CXCR1: variants seen among roughly 807,000 people sequenced by gnomAD.
CXCR1 encodes the protein C-X-C chemokine receptor type 1.
For synonymous variants in CXCR1, 180 were observed against 184.7 expected (o/e 0.97, Z 0.21); for missense variants, 419 against 440.5 (o/e 0.95, Z 0.44).
At position 218,165,053 on chromosome 2, in the gene CXCR1, G is replaced by A. The variant is rs1189909343; in HGVS notation, c.159C>T (p.Ser53=). Residue 53 remains serine (S), a synonymous_variant, in exon 2 of 2, where the codon AGC becomes AGT. Coordinates refer to ENST00000295683, the MANE Select transcript of CXCR1 (RefSeq NM_000634.3). ...GCATCACCAGGGAGTTTCCCAGCAG[G>A]CTCAGCAGGAACACTAGGGCATAGG... ...IIAYALVFLL[S]LLGNSLVMLV... 6.2e-7 allele frequency: 1 copy of A among 1,614,222 alleles called. No homozygotes were observed. Among genetic ancestry groups the A allele is most frequent in the South Asian group, 1.1e-5 (1 of 91,088 alleles).
Position 218,165,160 on chromosome 2 carries a change from T to G in CXCR1, c.52A>C (p.Thr18Pro), listed in dbSNP as rs1210809701. Residue 18 changes from threonine to proline, a missense_variant, in exon 2 of 2, where the codon ACT becomes CCT. Transcript: ENST00000295683. ...QMWDFDDLNF[T>P]GMPPADEDYS... ...TCTTCATCTGCAGGTGGCATGCCAG[T>G]GAAATTTAGATCATCAAAATCCCAC... is the stretch of plus-strand genomic sequence containing the variant. The G allele has an allele frequency of 2.5e-6, 4 of 1,614,108 alleles. No homozygotes were observed. Among genetic ancestry groups the G allele is most frequent in the Non-Finnish European group, 3.4e-6 (4 of 1,180,042 alleles).
At position 218,164,003 on chromosome 2, in the gene CXCR1, C is replaced by T. The variant is rs1051015584; in HGVS notation, c.*156G>A. 1.9e-5 allele frequency: 16 copies of T among 863,136 alleles called. 1 individual carries two copies. The African/African-American group carries it at 2.7e-4, about 14-fold the overall frequency. 53.5% of individuals were successfully genotyped at this position (863,136 alleles called of 1,614,324 possible). The stretch of plus-strand genomic sequence containing the variant: ...ACAGCTCCTCAGAAGGTTGGTGTGG[C>T]CCCTGAAGACACCAGTTCCTAACTT... On this transcript the variant is annotated 3_prime_UTR_variant, in exon 2 of 2. Coordinates refer to ENST00000295683, the MANE Select transcript of CXCR1 (RefSeq NM_000634.3).
chr2:218,164,501 C>G lies in CXCR1; in HGVS notation c.711G>C (p.Lys237Asn). 1 of 1,614,218 alleles carries G rather than the reference C, an allele frequency of 6.2e-7. No individual in the cohort carries two copies. Among genetic ancestry groups the G allele is most frequent in the South Asian group, 1.1e-5 (1 of 91,082 alleles). ...CAAAGATGACCCTCATGGCTCGGTG[C>G]TTCTGCCCCATGTGGGCCTTAAACA... ...RTLFKAHMGQ[K>N]HRAMRVIFAV... The change falls in exon 2 of 2, where the codon AAG becomes AAC. Residue 237 changes from lysine (K) to asparagine (N), a missense_variant. By Grantham distance (94) the Lys-to-Asn change is moderately conservative. Coordinates refer to ENST00000295683, the MANE Select transcript of CXCR1 (RefSeq NM_000634.3).
chr2:218,164,115 T>C lies in CXCR1; in HGVS notation c.*44A>G, dbSNP rs2106120240. 1.9e-6 allele frequency: 3 copies of C among 1,606,886 alleles called. No homozygotes were observed. In the South Asian group the frequency reaches 3.3e-5, roughly 18 times the overall value. Reference sequence around the variant, plus strand: ...TCCACACACAACCTCAGGGTGTTGGTTATTCTTTCCTTCTGAGAAGAGATA... The same window carrying C: ...TCCACACACAACCTCAGGGTGTTGGCTATTCTTTCCTTCTGAGAAGAGATA... On this transcript the variant is annotated 3_prime_UTR_variant, in exon 2 of 2. Coordinates refer to ENST00000295683, the MANE Select transcript of CXCR1 (RefSeq NM_000634.3).
chr2:218,166,928 G>C lies in CXCR1; in HGVS notation c.-54C>G, dbSNP rs1186734992. On this transcript the variant is annotated 5_prime_UTR_variant, in exon 1 of 2. Coordinates refer to ENST00000295683, the MANE Select transcript of CXCR1 (RefSeq NM_000634.3). ...CCTACCTGAAGCACCGGCCAGGTGT[G>C]TCCAACAGTAGGAGCTGCAGTCAGA... The C allele has an allele frequency of 6.6e-6, 1 of 152,236 alleles. No individual in the cohort carries two copies. Among genetic ancestry groups the C allele is most frequent in the East Asian group, 1.9e-4 (1 of 5,218 alleles). 9.4% of individuals were successfully genotyped at this position (152,236 alleles called of 1,614,324 possible).
Position 218,163,983 on chromosome 2 carries a change from T to C in CXCR1, c.*176A>G. ...CGGTCCTTGGAGGTACCTCAACAGCTCCTCAGAAGGTTGGTGTGGCCCCTG... is the reference window on the plus strand; with the variant it reads ...CGGTCCTTGGAGGTACCTCAACAGCCCCTCAGAAGGTTGGTGTGGCCCCTG... On this transcript the variant is annotated 3_prime_UTR_variant, in exon 2 of 2. Transcript: ENST00000295683. 1 of 714,550 alleles carries C rather than the reference T, an allele frequency of 1.4e-6. No individual in the cohort carries two copies. Among genetic ancestry groups the C allele is most frequent in the Non-Finnish European group, 2.4e-6 (1 of 416,400 alleles). The allele number at this position is 714,550 out of a possible 1,614,324, so 44.3% of individuals were successfully genotyped here. A position where few individuals can be genotyped will look rare whatever the true frequency, so the allele number is the denominator to read the frequency against.
At position 218,164,530 on chromosome 2, in the gene CXCR1, T is replaced by G. The variant is rs768148952; in HGVS notation, c.682A>C (p.Thr228Pro). ...MLFCYGFTLR[T>P]LFKAHMGQKH... ...TGCCCCATGTGGGCCTTAAACAGTG[T>G]ACGCAGGGTGAATCCATAGCAGAAC... is the stretch of plus-strand genomic sequence containing the variant. The change falls in exon 2 of 2, where the codon ACA becomes CCA. Residue 228 changes from threonine (T) to proline (P), a missense_variant. Thr to Pro is a conservative substitution (Grantham distance 38). Coordinates refer to ENST00000295683, the MANE Select transcript of CXCR1 (RefSeq NM_000634.3). The G allele has an allele frequency of 2.0e-5, 33 of 1,614,038 alleles. No individual in the cohort carries two copies. The highest frequency in any genetic ancestry group is 3.3e-4 in the Middle Eastern group (2 of 6,084).
At position 218,165,071 on chromosome 2, in the gene CXCR1, G is replaced by A. The variant is rs1336322423; in HGVS notation, c.141C>T (p.Ala47=). ...CCAGCAGGCTCAGCAGGAACACTAG[G>A]GCATAGGCGATGATCACAACATACT... ...LNKYVVIIAY[A]LVFLLSLLGN... is the part of the protein sequence containing the mutation. Residue 47 remains alanine (A), a synonymous_variant, in exon 2 of 2, where the codon GCC becomes GCT. Coordinates refer to ENST00000295683, the MANE Select transcript of CXCR1 (RefSeq NM_000634.3). 2.5e-6 allele frequency: 4 copies of A among 1,614,222 alleles called. No individual in the cohort carries two copies. In the South Asian group the frequency reaches 4.4e-5, roughly 18 times the overall value.
Position 218,164,310 on chromosome 2 carries a change from T to C in CXCR1, c.902A>G (p.Asn301Ser). The C allele has an allele frequency of 1.9e-6, 3 of 1,611,522 alleles. No individual in the cohort carries two copies. The highest frequency in any genetic ancestry group is 2.5e-6 in the Non-Finnish European group (3 of 1,178,234). ...EILGFLHSCL[N>S]PIIYAFIGQN... ...GCCGATGAAGGCGTAGATGATGGGG[T>C]TGAGGCAGCTATGGAGAAATCCCAG... Residue 301 changes from asparagine (N) to serine (S), a missense_variant, in exon 2 of 2, where the codon AAC becomes AGC. Physicochemically the swap from Asn to Ser is conservative, Grantham distance 46. Coordinates refer to ENST00000295683, the MANE Select transcript of CXCR1 (RefSeq NM_000634.3).
In CXCR1 at chr2:218,165,075, T is replaced by C. The variant is rs771039240; in HGVS notation, c.137A>G (p.Tyr46Cys). The C allele has an allele frequency of 4.3e-6, 7 of 1,614,222 alleles. No individual in the cohort carries two copies. Among genetic ancestry groups the C allele is most frequent in the South Asian group, 1.1e-5 (1 of 91,082 alleles). ...TLNKYVVIIA[Y>C]ALVFLLSLLG... ...CAGGCTCAGCAGGAACACTAGGGCA[T>C]AGGCGATGATCACAACATACTTGTT... The change falls in exon 2 of 2, where the codon TAT (tyrosine) becomes TGT (cysteine). Residue 46 changes from tyrosine to cysteine, a missense_variant. Tyr to Cys is a radical substitution (Grantham distance 194). Coordinates refer to ENST00000295683, the MANE Select transcript of CXCR1 (RefSeq NM_000634.3).
At position 218,164,892 on chromosome 2, in the gene CXCR1, G is replaced by T. The variant is rs759445614; in HGVS notation, c.320C>A (p.Thr107Lys). 6.2e-6 allele frequency: 10 copies of T among 1,614,238 alleles called. No homozygotes were observed. The highest frequency in any genetic ancestry group is 8.5e-6 in the Non-Finnish European group (10 of 1,180,040). Reference protein sequence around the residue: ...ASKVNGWIFGTFLCKVVSLLK... With the variant: ...ASKVNGWIFGKFLCKVVSLLK... ...GAGTGAGACCACCTTGCACAGGAATGTGCCAAAAATCCAGCCATTCACCTT... is the reference window on the plus strand; with the variant it reads ...GAGTGAGACCACCTTGCACAGGAATTTGCCAAAAATCCAGCCATTCACCTT... Residue 107 changes from threonine to lysine, a missense_variant, in exon 2 of 2, where the codon ACA becomes AAA. Thr to Lys is a moderately conservative substitution (Grantham distance 78, BLOSUM62 -1). Transcript: ENST00000295683.
chr2:218,165,552 G>A (rs1691271315), intron 1 of CXCR1, among the ~76,000 whole-genome samples: 1 of 152,166 alleles, frequency 6.6e-6, no homozygotes, highest in Non-Finnish European at 1.5e-5. Context: ...TCCCTCTTTA[G>A]CCTTCTCCAT....
In CXCR1 at chr2:218,163,826, T is replaced by G. The variant is rs915554741; in HGVS notation, c.*333A>C. The G allele has an allele frequency of 2.9e-6, 1 of 344,274 alleles. No individual in the cohort carries two copies. The highest frequency in any genetic ancestry group is 5.7e-6 in the Non-Finnish European group (1 of 174,000). 21.3% of individuals were successfully genotyped at this position (344,274 alleles called of 1,614,324 possible). On this transcript the variant is annotated 3_prime_UTR_variant, in exon 2 of 2. Coordinates refer to ENST00000295683, the MANE Select transcript of CXCR1 (RefSeq NM_000634.3). ...CATCCAGCCCTCATGAGGACACAGCTTCAGCCCTGTTCTCTCATCTAATGT... is the reference window on the plus strand; with the variant it reads ...CATCCAGCCCTCATGAGGACACAGCGTCAGCCCTGTTCTCTCATCTAATGT...
chr2:218,165,302 T>G (rs1691265274), intron 1 of CXCR1, 58 bp from the exon 2 acceptor site: 1 of 1,276,572 alleles, frequency 7.8e-7, no homozygotes, highest in Admixed American at 1.7e-5. Context: ...GGCATTCTCA[T>G]CAATGATGTG....
Position 218,164,657 on chromosome 2 carries a change from T to G in CXCR1, c.555A>C (p.Pro185=). The G allele has an allele frequency of 6.2e-7, 1 of 1,614,176 alleles. No homozygotes were observed. The highest frequency in any genetic ancestry group is 8.5e-7 in the Non-Finnish European group (1 of 1,180,044). Residue 185 remains proline (P), a synonymous_variant, in exon 2 of 2, where the codon CCA becomes CCC. Transcript: ENST00000295683. ...CATTTCCCAGGACCTCATAGCAAACTGGACTGGAATTGTTTGGATGGTAAG... is the reference window on the plus strand; with the variant it reads ...CATTTCCCAGGACCTCATAGCAAACGGGACTGGAATTGTTTGGATGGTAAG... The part of the protein sequence containing the change: ...RQAYHPNNSS[P]VCYEVLGNDT...
Position 218,165,232 on chromosome 2 carries a change from T to C in CXCR1, c.-21A>G, listed in dbSNP as rs145346406. ...GACATGTCCTCTTCAGTTTCAGCAA[T>C]GGTTTGATCTAACTGGAAGGTTAGA... is the stretch of plus-strand genomic sequence containing the variant. On this transcript the variant is annotated 5_prime_UTR_variant, in exon 2 of 2. Transcript: ENST00000295683. 927 of 1,608,266 alleles carry C rather than the reference T, an allele frequency of 5.8e-4. 7 individuals carry two copies. The East Asian group carries it at 0.016, about 27-fold the overall frequency.
intron 1 of CXCR1, among the ~76,000 whole-genome samples, chr2:218,165,535 A>G (rs907299759): frequency 6.6e-5 from 10 of 152,034 alleles, no homozygotes; most frequent in Admixed American, 2.0e-4. Context: ...CTATGTCTCT[A>G]CCTCTGTCCC....
chr2:218,164,261 G>A lies in CXCR1; in HGVS notation c.951C>T (p.Leu317=), dbSNP rs1164914873. The part of the protein sequence containing the change: ...FIGQNFRHGF[L]KILAMHGLVS... ...CCAGGCCATGCATAGCCAGGATCTTGAGGAATCCATGGCGAAAATTTTGGC... is the reference window on the plus strand; with the variant it reads ...CCAGGCCATGCATAGCCAGGATCTTAAGGAATCCATGGCGAAAATTTTGGC... Residue 317 remains leucine, a synonymous_variant, in exon 2 of 2, where the codon CTC becomes CTT. Coordinates refer to ENST00000295683, the MANE Select transcript of CXCR1 (RefSeq NM_000634.3). 5 of 1,612,838 alleles carry A rather than the reference G, an allele frequency of 3.1e-6. No homozygotes were observed. The Admixed American group carries it at 8.3e-5, about 27-fold the overall frequency.
Position 218,163,246 on chromosome 2 carries a change from C to G in CXCR1, c.*913G>C, listed in dbSNP as rs1376811553. The G allele has an allele frequency of 6.5e-6, 1 of 152,730 alleles. No individual in the cohort carries two copies. The highest frequency in any genetic ancestry group is 1.5e-5 in the Non-Finnish European group (1 of 68,332). The allele number at this position is 152,730 out of a possible 1,614,324, so 9.5% of individuals were successfully genotyped here. ...GGTGCCTTCTTAGGAGGTGCTGCCC[C>G]CATTCTACTGCAGGAACAGCCAACA... On this transcript the variant is annotated 3_prime_UTR_variant, in exon 2 of 2. Transcript: ENST00000295683.
Sources: allele counts gnomAD v4.1 joint callset (sites outside exome capture counted in the v4.1 genomes callset), GRCh38; gene constraint gnomAD v4.1.1; transcripts MANE v1.5; gene names NCBI Gene and HGNC (gene_info 2026-07-23, HGNC 2026-07-21).